Variants in TAFA5 observed in about 807,000 individuals in gnomAD.
The protein encoded by TAFA5 is TAFA chemokine like family member 5.
TAFA5 carries 6 observed loss-of-function variants against 15.3 expected under a neutral mutation model. The ratio of observed to expected loss-of-function variants is 0.39; its 90% CI spans 0.21 to 0.77. The LOEUF (loss-of-function observed/expected upper bound fraction) is 0.77, where lower values mean the gene tolerates loss of function less well. TAFA5 is among the 30% of genes least tolerant of loss of function. The pLI, the probability that TAFA5 is intolerant of heterozygous loss-of-function variation, is 0.41. For synonymous variants in TAFA5, 103 were observed against 80.7 expected, an observed-to-expected ratio of 1.28 and a Z score of -1.48; for missense variants, 161 against 193.1, an observed-to-expected ratio of 0.83 and a Z score of 0.98.
chr22:48,672,746 C>T (rs1412499650), intron 2 of TAFA5, among the ~76,000 whole-genome samples: 1 of 152,190 alleles, frequency 6.6e-6, no homozygotes, highest in Non-Finnish European at 1.5e-5. Context: ...CACCTTTGGG[C>T]ACTTTGCATG....
chr22:48,605,603 C>G (rs1925165291), intron 1 of TAFA5, among the ~76,000 whole-genome samples: 1 of 152,182 alleles, frequency 6.6e-6, no homozygotes, highest in Non-Finnish European at 1.5e-5. Context: ...AGGATGCAGG[C>G]AGGCATTTTA....
At chr22:48,702,926 G>C (rs533598744) in intron 2 of TAFA5, among the ~76,000 whole-genome samples, 2 of 152,248 alleles carry the variant, frequency 1.3e-5, no homozygotes, top group Admixed American at 6.5e-5. Flanking sequence ...GGGCCGGCCC[G>C]CTGGTGCCCT....
At chr22:48,745,433 G>C (rs1215799617) in intron 3 of TAFA5, among the ~76,000 whole-genome samples, 1 of 148,070 alleles carries the variant, frequency 6.8e-6, no homozygotes. Context: ...CGGCTGGCCT[G>C]CCCGGGGTTC....
chr22:48,625,317 G>C (rs1435185465), intron 1 of TAFA5, among the ~76,000 whole-genome samples: 1 of 152,146 alleles, frequency 6.6e-6, no homozygotes, highest in Non-Finnish European at 1.5e-5. Flanking sequence ...TGAGGTTAAA[G>C]GGGAGTTCAC....
At chr22:48,700,882 C>T (rs130129) in intron 2 of TAFA5, among the ~76,000 whole-genome samples, 62,877 of 152,084 alleles carry the variant, frequency 0.41, 13,910 homozygotes, top group African/African-American at 0.58. Flanking sequence ...ACGTAACAGA[C>T]ACACCCTGCT....
chr22:48,639,286 C>G (rs1026898424), intron 1 of TAFA5, among the ~76,000 whole-genome samples: 1 of 152,234 alleles, frequency 6.6e-6, no homozygotes, highest in Non-Finnish European at 1.5e-5. Flanking sequence ...TGCCCTCAGG[C>G]CTGCGGGGCC....
At chr22:48,666,117 G>C (rs559019532) in intron 2 of TAFA5, among the ~76,000 whole-genome samples, 9 of 152,320 alleles carry the variant, frequency 5.9e-5, no homozygotes, top group Middle Eastern at 3.4e-3. Flanking sequence ...ACTCAGCATT[G>C]CAGAGGCCAC....
At chr22:48,686,469 C>T (rs1239852559) in intron 2 of TAFA5, among the ~76,000 whole-genome samples, 3 of 152,310 alleles carry the variant, frequency 2.0e-5, no homozygotes, top group Non-Finnish European at 2.9e-5. Context: ...ATGAGGGCTC[C>T]ACTCTTATGG....
chr22:48,622,546 G>T (rs1569052069), intron 1 of TAFA5, among the ~76,000 whole-genome samples: 1 of 152,236 alleles, frequency 6.6e-6, no homozygotes, highest in South Asian at 2.1e-4. Flanking sequence ...AGGAAGAGGG[G>T]CTGGAGCAGA....
intron 1 of TAFA5, among the ~76,000 whole-genome samples, chr22:48,551,086 T>G (rs1922839227): frequency 6.6e-6 from 1 of 151,802 alleles, no homozygotes. Context: ...CGTGCCCCTC[T>G]GGGGCACGGG....
intron 1 of TAFA5, chr22:48,576,561 C>T (rs1414478431): frequency 1.3e-6 from 2 of 1,506,368 alleles, no homozygotes; most frequent in South Asian, 1.3e-5. Flanking sequence ...ACGCGCAGTT[C>T]CTCAAAGAAG....
chr22:48,672,429 C>T (rs557082064), intron 2 of TAFA5, among the ~76,000 whole-genome samples: 94 of 152,206 alleles, frequency 6.2e-4, no homozygotes, highest in African/African-American at 2.2e-3. Flanking sequence ...CTTTTTTGAA[C>T]GTATCCATTT....
intron 1 of TAFA5, among the ~76,000 whole-genome samples, chr22:48,593,022 G>C (rs576386825): frequency 6.6e-6 from 1 of 152,126 alleles, no homozygotes; most frequent in African/African-American, 2.4e-5. Flanking sequence ...GGGGCGGGGG[G>C]GTCTGTAGGA....
Position 48,489,957 on chromosome 22 carries a change from G to T in TAFA5, c.112+253G>T, listed in dbSNP as rs533301263. ...CTCCCTTCCCTGACTCCCCGGCAGG[G>T]CCCGGGCTCCAGGCCCCGGGTGGCG... is the stretch of plus-strand genomic sequence containing the variant. On this transcript the variant is annotated intron_variant, in intron 1 of 3. Transcript: ENST00000402357. This position sits in a 1 kb window ranked among gnomAD's most constrained non-coding sequence, Gnocchi z 5.5. Among the ~76,000 whole-genome samples, 1 of 151,824 alleles carries T rather than the reference G, an allele frequency of 6.6e-6. No individual in the cohort carries two copies. The highest frequency in any genetic ancestry group is 2.4e-5 in the African/African-American group (1 of 41,406).
chr22:48,584,738 ACG>A (rs1346602995), intron 1 of TAFA5, among the ~76,000 whole-genome samples: 2 of 146,816 alleles, frequency 1.4e-5, no homozygotes, highest in Non-Finnish European at 3.0e-5. Context: ...CACCATATAC[ACG>A]CACCCTCCAC....
chr22:48,562,626 T>C (rs1026044898), intron 1 of TAFA5, among the ~76,000 whole-genome samples: 10 of 152,070 alleles, frequency 6.6e-5, no homozygotes, highest in Admixed American at 3.3e-4. Context: ...CGGGGCCCGG[T>C]CACAGCCTCC....
In TAFA5 at chr22:48,489,998, C is replaced by A. The variant is rs901934472; in HGVS notation, c.112+294C>A. ...CCGGGTGGCGCGGCCCGTCCCTGCC[C>A]GGCGGTCGGAGCCCAGCCAGCGGCT... is the stretch of plus-strand genomic sequence containing the variant. On this transcript the variant is annotated intron_variant, in intron 1 of 3. Coordinates refer to ENST00000402357, the MANE Select transcript of TAFA5 (RefSeq NM_001082967.3). The surrounding 1 kb of genome is among the most constrained non-coding windows in gnomAD (Gnocchi z 5.5). 6.6e-6 allele frequency among the ~76,000 whole-genome samples: 1 copy of A among 152,014 alleles called. No individual in the cohort carries two copies. The highest frequency in any genetic ancestry group is 3.4e-3 in the Middle Eastern group (1 of 292).
chr22:48,561,345 A>G lies in TAFA5; in HGVS notation c.112+71641A>G, dbSNP rs79554000. The stretch of plus-strand genomic sequence containing the variant: ...TGCAATGTTTCTGGGGCCCCTTTGC[A>G]GGTTTGTGAATTCCTCAGACTGCTC... On this transcript the variant is annotated intron_variant, in intron 1 of 3. Transcript: ENST00000402357. 6.9e-3 allele frequency among the ~76,000 whole-genome samples: 1,057 copies of G among 152,208 alleles called. 27 individuals carry two copies. The highest frequency in any genetic ancestry group is 0.025 in the African/African-American group (1,025 of 41,534).
intron 3 of TAFA5, among the ~76,000 whole-genome samples, chr22:48,730,136 G>A (rs1318995282): frequency 2.0e-5 from 3 of 152,200 alleles, no homozygotes; most frequent in Admixed American, 6.5e-5. Flanking sequence ...TGTAATCCCA[G>A]CACTTTGGGA....
Sources: gnomAD v4.1 joint callset for allele counts (sites outside exome capture counted in the v4.1 genomes callset) on GRCh38, gnomAD v4.1.1 for gene constraint, Gnocchi (gnomAD v3.1) non-coding constraint, MANE v1.5 for transcripts, NCBI Gene and HGNC (gene_info 2026-07-23, HGNC 2026-07-21) for gene names.